SLIT3: variants seen among roughly 807,000 people sequenced by gnomAD.
The protein encoded by SLIT3 is slit guidance ligand 3, also known as slit homolog 3 protein.
SLIT3 carries 68 observed loss-of-function variants against 184.0 expected under a neutral mutation model. The ratio of observed to expected loss-of-function variants is 0.37; its 90% CI spans 0.30 to 0.45. The LOEUF is 0.45. Among genes scored for constraint, SLIT3 ranks in the 20% least tolerant of loss-of-function variants. The pLI, the probability that SLIT3 is intolerant of heterozygous loss-of-function variation, is 1.00. For missense variants in SLIT3, 1,707 were observed against 2,026.0 expected (o/e 0.84, Z 3.02); for synonymous variants, 831 against 828.6 (o/e 1.00, Z -0.05).
In SLIT3 at chr5:168,888,869, C is replaced by A. The variant is rs543569253; in HGVS notation, c.414-5533G>T. The stretch of plus-strand genomic sequence containing the variant: ...TATATATTAAAATTACTTTCACATT[C>A]TCTGCCCAGTAGGAGGAAACCTGCC... On this transcript the variant is annotated intron_variant, in intron 4 of 35. Transcript: ENST00000519560. Among the ~76,000 whole-genome samples, 162 of 152,334 alleles carry A rather than the reference C, an allele frequency of 1.1e-3. 1 individual carries two copies. Among genetic ancestry groups the A allele is most frequent in the Non-Finnish European group, 1.6e-4 (11 of 68,032 alleles).
chr5:168,689,563 TG>T (rs1761847983), intron 29 of SLIT3, among the ~76,000 whole-genome samples: 1 of 152,246 alleles, frequency 6.6e-6, no homozygotes, highest in Non-Finnish European at 1.5e-5. Context: ...GATTGTTGGA[TG>T]TTGGATAATA....
At chr5:169,021,801 C>T (rs138388255) in intron 4 of SLIT3, among the ~76,000 whole-genome samples, 23 of 152,320 alleles carry the variant, frequency 1.5e-4, no homozygotes, top group Admixed American at 9.8e-4. Flanking sequence ...ATTAATTCTT[C>T]GTCTCTCAGT....
At position 169,057,535 on chromosome 5, in the gene SLIT3, G is replaced by C. The variant is rs529345964; in HGVS notation, c.413+135944C>G. 2.0e-5 allele frequency among the ~76,000 whole-genome samples: 3 copies of C among 152,360 alleles called. No homozygotes were observed. The East Asian group carries it at 5.8e-4, about 29-fold the overall frequency. ...CCATAAGCTCCCAGAGGGGGATGTAGAGGGTGGCTAAGAATAGGGAGTCAG... is the reference window on the plus strand; with the variant it reads ...CCATAAGCTCCCAGAGGGGGATGTACAGGGTGGCTAAGAATAGGGAGTCAG... On this transcript the variant is annotated intron_variant, in intron 4 of 35. Transcript: ENST00000519560.
intron 14 of SLIT3, among the ~76,000 whole-genome samples, chr5:168,767,685 A>G (rs1259902256): frequency 6.6e-6 from 1 of 152,204 alleles, no homozygotes; most frequent in Admixed American, 6.5e-5. Flanking sequence ...CGTTCATTTC[A>G]AATAAAGTGA....
intron 3 of SLIT3, among the ~76,000 whole-genome samples, chr5:169,225,944 A>C (rs569995691): frequency 6.6e-6 from 1 of 152,290 alleles, no homozygotes; most frequent in South Asian, 2.1e-4. Flanking sequence ...GTGGGGCCAG[A>C]GTGGAAGCAG....
chr5:168,817,611 AC>A (rs2113657348), intron 7 of SLIT3, 148 bp from the exon 8 acceptor site: 1 of 702,670 alleles, frequency 1.4e-6, no homozygotes, highest in South Asian at 1.9e-5. Flanking sequence ...CCTCTGCACT[AC>A]CAAAAACATG....
At chr5:169,286,446 G>C (rs978347429) in intron 1 of SLIT3, among the ~76,000 whole-genome samples, 130 of 152,214 alleles carry the variant, frequency 8.5e-4, no homozygotes, top group African/African-American at 3.0e-3. Context: ...AAAGTCTCTT[G>C]AATTGGATAT....
At chr5:169,246,157 C>A (rs1485347092) in intron 2 of SLIT3, among the ~76,000 whole-genome samples, 2 of 152,186 alleles carry the variant, frequency 1.3e-5, no homozygotes, top group African/African-American at 2.4e-5. Flanking sequence ...AAAGAAACTC[C>A]TTTTGACAAA....
chr5:169,218,063 C>T (rs1352530634), intron 3 of SLIT3, among the ~76,000 whole-genome samples: 2 of 152,084 alleles, frequency 1.3e-5, no homozygotes, highest in South Asian at 2.1e-4. Context: ...TGGAGGTCTC[C>T]GAGTAGTGAA....
chr5:169,130,971 A>G (rs1328393628), intron 4 of SLIT3, among the ~76,000 whole-genome samples: 1 of 152,218 alleles, frequency 6.6e-6, no homozygotes, highest in Non-Finnish European at 1.5e-5. Flanking sequence ...GTGGTGAAAA[A>G]AAATCAAGAA....
At chr5:168,711,607 G>A (rs1045741161) in intron 24 of SLIT3, among the ~76,000 whole-genome samples, 1 of 151,980 alleles carries the variant, frequency 6.6e-6, no homozygotes, top group African/African-American at 2.4e-5. Context: ...CCGTATTATA[G>A]TGTATGCACA....
chr5:168,844,454 G>T lies in SLIT3; in HGVS notation c.557+130C>A, dbSNP rs1490065817. The T allele has an allele frequency of 4.9e-6, 4 of 809,712 alleles. No homozygotes were observed. The Admixed American group carries it at 6.3e-5, about 13-fold the overall frequency. The allele number at this position is 809,712 out of a possible 1,614,324, so 50.2% of individuals were successfully genotyped here. ...GGTTCCCAATTTTAATAGCACTGCA[G>T]CAGAGACCAGAAATGCATTCACACA... On this transcript the variant is annotated intron_variant, in intron 6 of 35. Coordinates refer to ENST00000519560, the MANE Select transcript of SLIT3 (RefSeq NM_003062.4).
intron 4 of SLIT3, among the ~76,000 whole-genome samples, chr5:169,089,040 AAAAAAAAAAAAAAAAG>A (rs1462735349): frequency 1.4e-5 from 2 of 144,612 alleles, no homozygotes; most frequent in African/African-American, 5.3e-5. Flanking sequence ...AAAAAAAAAA[AAAAAAAAAAAAAAAAG>A]AAGTGCTGAC....
chr5:168,736,916 G>C (rs898393312), intron 20 of SLIT3, among the ~76,000 whole-genome samples: 2 of 152,196 alleles, frequency 1.3e-5, no homozygotes, highest in African/African-American at 4.8e-5. Context: ...ACCTTCAGTA[G>C]CTCCGGTTAT....
At chr5:168,954,107 G>A (rs964102209) in intron 4 of SLIT3, among the ~76,000 whole-genome samples, 1 of 152,114 alleles carries the variant, frequency 6.6e-6, no homozygotes, top group Admixed American at 6.5e-5. Flanking sequence ...AGATGATCAA[G>A]CGTCGGGAGG....
intron 4 of SLIT3, chr5:169,022,832 AAG>A (rs1756653658): frequency 6.6e-6 from 1 of 152,118 alleles, no homozygotes; most frequent in South Asian, 2.1e-4. Context: ...GCCAAGAAAC[AAG>A]AGAGTGAGCG....
chr5:168,988,752 T>C (rs1419232187), intron 4 of SLIT3, among the ~76,000 whole-genome samples: 1 of 152,018 alleles, frequency 6.6e-6, no homozygotes, highest in Non-Finnish European at 1.5e-5. Flanking sequence ...TTTGGCACAC[T>C]GGAGGAGAAT....
In SLIT3 at chr5:168,722,241, C is replaced by G. The variant is rs1762965214; in HGVS notation, c.2483+15G>C. The G allele has an allele frequency of 6.2e-7, 1 of 1,612,972 alleles. No individual in the cohort carries two copies. The highest frequency in any genetic ancestry group is 8.5e-7 in the Non-Finnish European group (1 of 1,179,004). Reference sequence around the variant, plus strand: ...AGCAATGTGTAAGTCAAAATCAGCACATTGGGGTACTCACAGCACTCGCAG... The same window carrying G: ...AGCAATGTGTAAGTCAAAATCAGCAGATTGGGGTACTCACAGCACTCGCAG... On this transcript the variant is annotated intron_variant, in intron 23 of 35. Coordinates refer to ENST00000519560, the MANE Select transcript of SLIT3 (RefSeq NM_003062.4).
chr5:169,189,542 ATAT>A (rs1763475296), intron 4 of SLIT3, among the ~76,000 whole-genome samples: 1 of 30,962 alleles, frequency 3.2e-5, no homozygotes, highest in Non-Finnish European at 7.1e-5. Context: ...ATATATATAT[ATAT>A]ATATATATAT....
Sources: gnomAD v4.1 joint callset for allele counts (sites outside exome capture counted in the v4.1 genomes callset) on GRCh38, gnomAD v4.1.1 for gene constraint, MANE v1.5 for transcripts, NCBI Gene and HGNC (gene_info 2026-07-23, HGNC 2026-07-21) for gene names.